The following DNM3 variants were observed in gnomAD, a reference collection of about 807,000 sequenced individuals.
The protein encoded by DNM3 is dynamin-3.
In DNM3, 47 loss-of-function variants were observed where a neutral mutation model predicts 101.6. The ratio of observed to expected loss-of-function variants is 0.46; its 90% CI spans 0.37 to 0.59. The LOEUF (loss-of-function observed/expected upper bound fraction) is 0.59, where lower values mean the gene tolerates loss of function less well. DNM3 is among the 20% of genes least tolerant of loss of function. DNM3 has a pLI of 0.00. For missense variants in DNM3, 849 were observed against 1,085.7 expected (o/e 0.78, Z 3.06); for synonymous variants, 385 against 387.9 (o/e 0.99, Z 0.09).
chr1:171,994,582 T>C (rs1006001439), intron 4 of DNM3, among the ~76,000 whole-genome samples: 4 of 152,182 alleles, frequency 2.6e-5, no homozygotes, highest in African/African-American at 9.6e-5. Context: ...TTGCTGTGTT[T>C]GCACAAAACC....
chr1:172,276,147 T>C (rs1162101076), intron 15 of DNM3, among the ~76,000 whole-genome samples: 1 of 152,062 alleles, frequency 6.6e-6, no homozygotes, highest in Admixed American at 6.6e-5. Context: ...AACTTATTGG[T>C]AGGGTGTCCT....
intron 14 of DNM3, among the ~76,000 whole-genome samples, chr1:172,227,301 T>TATATATATATATAC (rs2061168034): frequency 7.0e-6 from 1 of 141,886 alleles, no homozygotes; most frequent in Non-Finnish European, 1.5e-5. Context: ...TATATATATA[T>TATATATATATATAC]ATATCACATT....
At chr1:172,070,866 T>C (rs1426278989) in intron 11 of DNM3, among the ~76,000 whole-genome samples, 1 of 151,638 alleles carries the variant, frequency 6.6e-6, no homozygotes, top group African/African-American at 2.4e-5. Flanking sequence ...GGCAGGCAGA[T>C]TGCTTGAGGT....
chr1:171,844,834 T>C (rs1167096469), intron 1 of DNM3, among the ~76,000 whole-genome samples: 1 of 152,184 alleles, frequency 6.6e-6, no homozygotes, highest in Non-Finnish European at 1.5e-5. Context: ...CTGATTTGTA[T>C]ACAGAAGAAT....
intron 4 of DNM3, among the ~76,000 whole-genome samples, chr1:172,030,275 T>G (rs1327608396): frequency 6.6e-6 from 1 of 152,152 alleles, no homozygotes; most frequent in African/African-American, 2.4e-5. Flanking sequence ...CATCTGATCT[T>G]TGACAAACCT....
At chr1:171,944,637 G>A (rs2042037044) in intron 2 of DNM3, among the ~76,000 whole-genome samples, 1 of 151,868 alleles carries the variant, frequency 6.6e-6, no homozygotes, top group African/African-American at 2.4e-5. Flanking sequence ...GCTTCCCAAA[G>A]TGCTGGGATT....
chr1:172,171,022 C>A (rs1485559241), intron 14 of DNM3, among the ~76,000 whole-genome samples: 1 of 151,748 alleles, frequency 6.6e-6, no homozygotes, highest in Non-Finnish European at 1.5e-5. Context: ...TTCTTTAATT[C>A]ATGATCTCTT....
intron 4 of DNM3, among the ~76,000 whole-genome samples, chr1:172,011,797 T>A (rs1375992384): frequency 6.6e-6 from 1 of 152,042 alleles, no homozygotes; most frequent in Non-Finnish European, 1.5e-5. Context: ...TTAGATGTTC[T>A]CTAATTCCTT....
chr1:172,153,867 T>G (rs939453604), intron 14 of DNM3, among the ~76,000 whole-genome samples: 2 of 152,136 alleles, frequency 1.3e-5, no homozygotes, highest in Admixed American at 1.3e-4. Context: ...AAACATTAAG[T>G]GTCTTCAGAA....
At chr1:172,163,158 T>TTG (rs554571226) in intron 14 of DNM3, among the ~76,000 whole-genome samples, 1 of 152,046 alleles carries the variant, frequency 6.6e-6, no homozygotes, top group Non-Finnish European at 1.5e-5. Context: ...ATTACTATTT[T>TTG]TGTGTGTGTG....
chr1:172,236,391 G>A (rs2061547090), intron 14 of DNM3, among the ~76,000 whole-genome samples: 1 of 152,142 alleles, frequency 6.6e-6, no homozygotes, highest in Admixed American at 6.6e-5. Context: ...AGAGAGAAGG[G>A]GTGGTATTTC....
chr1:172,412,814 T>C (rs1311837822), downstream of DNM3: 18 of 886,492 alleles, frequency 2.0e-5, no homozygotes, highest in Admixed American at 1.1e-3. Context: ...GATTAAATTG[T>C]CCCAGAGTTA....
intron 4 of DNM3, among the ~76,000 whole-genome samples, chr1:172,013,644 A>C (rs972204805): frequency 6.6e-6 from 1 of 152,060 alleles, no homozygotes; most frequent in African/African-American, 2.4e-5. Context: ...ATCCTGATTG[A>C]GGACCCATTA....
At chr1:172,234,054 G>A (rs1202656722) in intron 14 of DNM3, among the ~76,000 whole-genome samples, 2 of 152,114 alleles carry the variant, frequency 1.3e-5, no homozygotes, top group African/African-American at 4.8e-5. Context: ...AATCAGGCAG[G>A]AGAAGGAAAT....
At chr1:172,082,831 A>G (rs2053256770) in intron 12 of DNM3, among the ~76,000 whole-genome samples, 1 of 152,224 alleles carries the variant, frequency 6.6e-6, no homozygotes, top group Non-Finnish European at 1.5e-5. Flanking sequence ...GAACAGTCCC[A>G]ATTATCCAAC....
chr1:172,260,453 A>C (rs2062597693), intron 15 of DNM3, among the ~76,000 whole-genome samples: 1 of 152,194 alleles, frequency 6.6e-6, no homozygotes, highest in South Asian at 2.1e-4. Flanking sequence ...TGGGACACCA[A>C]AATTTGAATA....
At chr1:172,300,023 T>G (rs1180206396) in intron 15 of DNM3, among the ~76,000 whole-genome samples, 1 of 152,200 alleles carries the variant, frequency 6.6e-6, no homozygotes, top group Non-Finnish European at 1.5e-5. Context: ...AGTGTTCACC[T>G]TTCTCCTCAG....
chr1:171,921,638 G>A (rs920575397), intron 1 of DNM3, 110 bp from the exon 2 acceptor site: 26 of 827,592 alleles, frequency 3.1e-5, no homozygotes, highest in Middle Eastern at 3.2e-4. Context: ...TTGGATAAGC[G>A]ATACATTGAA....
At chr1:172,398,083 T>C (rs940083568) in intron 20 of DNM3, among the ~76,000 whole-genome samples, 2 of 152,246 alleles carry the variant, frequency 1.3e-5, no homozygotes, top group African/African-American at 4.8e-5. Flanking sequence ...TTACCACTTA[T>C]TAAAATTAAA....
Sources: allele counts gnomAD v4.1 joint callset (sites outside exome capture counted in the v4.1 genomes callset), GRCh38; gene constraint gnomAD v4.1.1; transcripts MANE v1.5; gene names NCBI Gene and HGNC (gene_info 2026-07-23, HGNC 2026-07-21).